The following ASTN2 variants were observed in gnomAD, a reference collection of about 807,000 sequenced individuals.
ASTN2 encodes the protein astrotactin-2.
In ASTN2, 54 loss-of-function variants were observed where a neutral mutation model predicts 139.8. The observed-to-expected ratio is 0.39, with a 90% CI of 0.31 to 0.48. The LOEUF (loss-of-function observed/expected upper bound fraction) is 0.48. Ranked by LOEUF, ASTN2 falls within the 20% of genes least tolerant of loss-of-function variation. ASTN2 has a pLI of 0.95. For missense variants in ASTN2, 1,565 were observed against 1,725.1 expected, an observed-to-expected ratio of 0.91 and a Z score of 1.64; for synonymous variants, 756 against 719.5, an observed-to-expected ratio of 1.05 and a Z score of -0.81.
chr9:117,093,439 C>T (rs1828756186), intron 5 of ASTN2, among the ~76,000 whole-genome samples: 1 of 152,126 alleles, frequency 6.6e-6, no homozygotes, highest in South Asian at 2.1e-4. Flanking sequence ...TATGACATTG[C>T]CAGTAAGTGG....
At chr9:116,984,332 ACT>A (rs1269165695) in intron 7 of ASTN2, among the ~76,000 whole-genome samples, 2 of 151,596 alleles carry the variant, frequency 1.3e-5, no homozygotes, top group African/African-American at 4.9e-5. Context: ...CTCCCCAAAA[ACT>A]CTCAGTGGTT....
intron 1 of ASTN2, among the ~76,000 whole-genome samples, chr9:117,374,369 T>TAAAAAAAAA (rs57428022): frequency 1.1e-5 from 1 of 87,324 alleles, no homozygotes; most frequent in African/African-American, 5.5e-5. Flanking sequence ...AGGGCAGGGT[T>TAAAAAAAAA]AAAAAAAAAA....
intron 2 of ASTN2, among the ~76,000 whole-genome samples, 187 bp from the exon 3 acceptor site, chr9:117,214,929 C>T (rs915296605): frequency 6.6e-6 from 1 of 152,210 alleles, no homozygotes; most frequent in Admixed American, 6.5e-5. Flanking sequence ...CACCAACAAA[C>T]TATGTGACCC....
At position 117,413,688 on chromosome 9, in the gene ASTN2, G is replaced by GC. The variant is rs145905955; in HGVS notation, c.442+808dup. Reference sequence around the variant, plus strand: ...TTTTCTGATTAACTTTTCCGTTGGAGCCCCCCACCCACACCCATCTCCTCT... The same window carrying GC: ...TTTTCTGATTAACTTTTCCGTTGGAGCCCCCCCACCCACACCCATCTCCTCT... On this transcript the variant is annotated intron_variant, in intron 1 of 22. Coordinates refer to ENST00000313400, the MANE Select transcript of ASTN2 (RefSeq NM_001365068.1). 8.8e-3 allele frequency among the ~76,000 whole-genome samples: 1,344 copies of GC among 152,254 alleles called. 22 individuals are homozygous for GC. The highest frequency in any genetic ancestry group is 0.031 in the African/African-American group (1,290 of 41,540).
intron 10 of ASTN2, among the ~76,000 whole-genome samples, chr9:116,941,906 A>AG (rs1835241650): frequency 6.6e-6 from 1 of 151,304 alleles, no homozygotes; most frequent in Admixed American, 6.6e-5. Context: ...ATGAGCAGAG[A>AG]GGTAGGAAGA....
chr9:116,832,725 T>G (rs1564291966), intron 11 of ASTN2, among the ~76,000 whole-genome samples: 1 of 152,040 alleles, frequency 6.6e-6, no homozygotes, highest in Non-Finnish European at 1.5e-5. Context: ...ATGTGTATAG[T>G]TATCTTTTAT....
At chr9:117,261,966 T>C (rs1323600535) in intron 2 of ASTN2, among the ~76,000 whole-genome samples, 2 of 152,206 alleles carry the variant, frequency 1.3e-5, no homozygotes, top group Non-Finnish European at 2.9e-5. Flanking sequence ...CTATACTTAT[T>C]GGGCAAGGAA....
intron 17 of ASTN2, among the ~76,000 whole-genome samples, chr9:116,622,958 A>G (rs4836788): frequency 0.48 from 73,499 of 151,958 alleles, 18,106 homozygotes; most frequent in East Asian, 0.72. Context: ...ACCTTTTCTC[A>G]CTCCCTTTGC....
intron 4 of ASTN2, among the ~76,000 whole-genome samples, chr9:117,102,882 AC>A (rs1408056676): frequency 2.1e-5 from 3 of 140,724 alleles, no homozygotes; most frequent in Non-Finnish European, 3.0e-5. Context: ...AAAGAAACCA[AC>A]TTTTTTTTTT....
chr9:116,683,231 G>A (rs1437939931), intron 16 of ASTN2, among the ~76,000 whole-genome samples: 1 of 151,764 alleles, frequency 6.6e-6, no homozygotes, highest in African/African-American at 2.4e-5. Context: ...TTAGAATCGA[G>A]GAAAAACTTT....
intron 7 of ASTN2, among the ~76,000 whole-genome samples, chr9:116,989,831 G>A (rs1245043523): frequency 1.3e-5 from 2 of 152,084 alleles, no homozygotes; most frequent in Admixed American, 6.6e-5. Flanking sequence ...TGATCCGCCT[G>A]CCTCGGCCTC....
intron 11 of ASTN2, among the ~76,000 whole-genome samples, chr9:116,835,714 G>C (rs888489810): frequency 6.6e-6 from 1 of 152,142 alleles, no homozygotes; most frequent in Non-Finnish European, 1.5e-5. Context: ...TGTGTCACAG[G>C]CCGTGGTCAC....
chr9:117,400,940 T>C (rs1830811336), intron 1 of ASTN2, among the ~76,000 whole-genome samples: 1 of 152,136 alleles, frequency 6.6e-6, no homozygotes, highest in Non-Finnish European at 1.5e-5. Context: ...ACCACATGAC[T>C]TGCTTCGAGT....
At chr9:117,025,125 G>A (rs751480179) in intron 6 of ASTN2, among the ~76,000 whole-genome samples, 8 of 152,204 alleles carry the variant, frequency 5.3e-5, no homozygotes, top group East Asian at 1.9e-4. Flanking sequence ...TAATACAAGC[G>A]GCAAAGGGAT....
In ASTN2 at chr9:116,602,855, G is replaced by C. The variant is rs188081221; in HGVS notation, c.3355+15469C>G. ...TGAGGCAGAAAGATTGCTTGAGCCA[G>C]GGAGGCAGAGGTTACAGTAAGCCGA... On this transcript the variant is annotated intron_variant, in intron 19 of 22. Coordinates refer to ENST00000313400, the MANE Select transcript of ASTN2 (RefSeq NM_001365068.1). 1.8e-3 allele frequency among the ~76,000 whole-genome samples: 277 copies of C among 151,770 alleles called. 1 individual carries two copies. The highest frequency in any genetic ancestry group is 6.4e-3 in the African/African-American group (266 of 41,328).
chr9:117,288,072 T>C (rs1443361412), intron 2 of ASTN2, among the ~76,000 whole-genome samples: 1 of 152,116 alleles, frequency 6.6e-6, no homozygotes, highest in Non-Finnish European at 1.5e-5. Flanking sequence ...CGCTCTGCTT[T>C]TTTTCTCTGC....
intron 19 of ASTN2, among the ~76,000 whole-genome samples, chr9:116,503,186 G>GAGGA (rs201141879): frequency 3.5e-4 from 53 of 149,520 alleles, no homozygotes; most frequent in Non-Finnish European, 5.8e-4. Context: ...AAGAAGGAGG[G>GAGGA]AGGAAGGAAG....
intron 20 of ASTN2, among the ~76,000 whole-genome samples, chr9:116,478,085 C>G (rs1373758173): frequency 2.3e-5 from 3 of 132,856 alleles, no homozygotes; most frequent in African/African-American, 8.7e-5. Flanking sequence ...GGAGAGGAAG[C>G]AGGGAAACAG....
Position 116,494,864 on chromosome 9 carries a change from C to A in ASTN2, c.3356-7364G>T, listed in dbSNP as rs535817566. Among the ~76,000 whole-genome samples, 6 of 152,142 alleles carry A rather than the reference C, an allele frequency of 3.9e-5. No homozygotes were observed. The East Asian group carries it at 9.7e-4, about 24-fold the overall frequency. On this transcript the variant is annotated intron_variant, in intron 19 of 22. Transcript: ENST00000313400. ...CTACTGCACATTTCCCTCCAGACTG[C>A]GAGATGCCTGGGGTGGGAATTCTGT...
Sources: allele counts gnomAD v4.1 joint callset (sites outside exome capture counted in the v4.1 genomes callset), GRCh38; gene constraint gnomAD v4.1.1; transcripts MANE v1.5; gene names NCBI Gene and HGNC (gene_info 2026-07-23, HGNC 2026-07-21).